The following CCDC39 variants were observed in gnomAD, a reference collection of about 807,000 sequenced individuals.
CCDC39 encodes the protein coiled-coil domain-containing protein 39.
A neutral mutation model predicts 121.0 loss-of-function variants in CCDC39; 113 were observed. The ratio of observed to expected loss-of-function variants is 0.93; its 90% CI spans 0.80 to 1.09. The LOEUF (loss-of-function observed/expected upper bound fraction) is 1.09. Among genes scored for constraint, CCDC39 ranks in the 50% least tolerant of loss-of-function variants. The pLI, the probability that CCDC39 is intolerant of heterozygous loss-of-function variation, is 0.00. For missense variants in CCDC39, 1,063 were observed against 1,074.7 expected, an observed-to-expected ratio of 0.99 and a Z score of 0.15; for synonymous variants, 349 against 352.2, an observed-to-expected ratio of 0.99 and a Z score of 0.10.
intron 13 of CCDC39, among the ~76,000 whole-genome samples, chr3:180,640,040 T>C (rs1261302590): frequency 6.6e-6 from 1 of 151,914 alleles, no homozygotes; most frequent in African/African-American, 2.4e-5. Flanking sequence ...GAAAAGGAGA[T>C]CAGTTGTCCG....
chr3:180,651,993 C>T (rs531711496), intron 8 of CCDC39, among the ~76,000 whole-genome samples, 170 bp downstream of exon 8: 207 of 151,432 alleles, frequency 1.4e-3, no homozygotes, highest in Non-Finnish European at 2.4e-3. Flanking sequence ...GCTGAGATCA[C>T]GCCACTGCAC....
intron 6 of CCDC39, among the ~76,000 whole-genome samples, chr3:180,657,252 C>G (rs969151974): frequency 2.6e-5 from 4 of 152,120 alleles, no homozygotes; most frequent in African/African-American, 7.2e-5. Context: ...TGCTGCCTAA[C>G]GGAACCACCT....
At chr3:180,660,046 G>C (rs971149810) in intron 4 of CCDC39, among the ~76,000 whole-genome samples, 4 of 151,986 alleles carry the variant, frequency 2.6e-5, no homozygotes, top group African/African-American at 9.7e-5. Flanking sequence ...CTATTTGAAA[G>C]TTTTAAAATA....
At chr3:180,615,347 T>C (rs1244539942) in intron 19 of CCDC39, among the ~76,000 whole-genome samples, 1 of 152,058 alleles carries the variant, frequency 6.6e-6, no homozygotes, top group Non-Finnish European at 1.5e-5. Flanking sequence ...TATAATCAGT[T>C]TTTTAGAGTT....
At chr3:180,669,030 T>G (rs1329194458) in intron 1 of CCDC39, among the ~76,000 whole-genome samples, 3 of 152,248 alleles carry the variant, frequency 2.0e-5, no homozygotes, top group African/African-American at 7.2e-5. Flanking sequence ...GTAATGCACA[T>G]GAAATGCATG....
chr3:180,672,183 C>G lies in CCDC39; in HGVS notation c.90+7108G>C, dbSNP rs190659548. 6.6e-5 allele frequency among the ~76,000 whole-genome samples: 10 copies of G among 152,274 alleles called. No individual in the cohort carries two copies. The East Asian group carries it at 1.7e-3, about 26-fold the overall frequency. ...CCTTAAGAATTGTGCTAAATCTACT[C>G]TGCAAGTGCTCTATAGATAGGAAAA... On this transcript the variant is annotated intron_variant, in intron 1 of 19. Coordinates refer to ENST00000476379, the MANE Select transcript of CCDC39 (RefSeq NM_181426.2).
At chr3:180,658,491 G>A (rs1452744462) in intron 6 of CCDC39, among the ~76,000 whole-genome samples, 4 of 151,586 alleles carry the variant, frequency 2.6e-5, no homozygotes, top group Admixed American at 6.6e-5. Flanking sequence ...CCAGCTACTC[G>A]GAGGCTGAGG....
intron 14 of CCDC39, among the ~76,000 whole-genome samples, chr3:180,629,947 T>A (rs1468947262): frequency 1.3e-5 from 2 of 152,072 alleles, no homozygotes; most frequent in Admixed American, 1.3e-4. Context: ...TAATAATAAC[T>A]AACATTTATT....
chr3:180,655,599 C>T (rs1247739724), intron 6 of CCDC39, among the ~76,000 whole-genome samples: 2 of 150,566 alleles, frequency 1.3e-5, no homozygotes, highest in Non-Finnish European at 3.0e-5. Context: ...CAAGAGGCAA[C>T]ATTTGAGTCA....
intron 6 of CCDC39, among the ~76,000 whole-genome samples, chr3:180,659,246 T>C (rs528144624): frequency 8.5e-5 from 13 of 152,342 alleles, no homozygotes; most frequent in African/African-American, 2.4e-4. Flanking sequence ...GATCCAGTGT[T>C]TGGAGTTATA....
At chr3:180,647,323 T>C in intron 10 of CCDC39, 80 bp from the exon 11 acceptor site, 1 of 1,255,624 alleles carries the variant, frequency 8.0e-7, no homozygotes, top group Non-Finnish European at 1.1e-6. Flanking sequence ...GTGAATACTT[T>C]CTTATGACTT....
chr3:180,655,331 T>C (rs1420494358), intron 6 of CCDC39, among the ~76,000 whole-genome samples: 3 of 152,030 alleles, frequency 2.0e-5, no homozygotes, highest in Non-Finnish European at 2.9e-5. Context: ...TTTTTTTTAG[T>C]GTTTTGAAAA....
chr3:180,616,047 T>C (rs1055855778), intron 19 of CCDC39, among the ~76,000 whole-genome samples: 1 of 152,200 alleles, frequency 6.6e-6, no homozygotes. Context: ...ACAGAGCACT[T>C]GGGCTATACT....
At chr3:180,666,381 G>T (rs985177052) in intron 1 of CCDC39, among the ~76,000 whole-genome samples, 2 of 152,082 alleles carry the variant, frequency 1.3e-5, no homozygotes, top group African/African-American at 4.8e-5. Flanking sequence ...TCAAGAGACA[G>T]GTGTCTCTAT....
intron 15 of CCDC39, 127 bp from the exon 16 acceptor site, chr3:180,619,492 A>G (rs1717363582): frequency 1.6e-6 from 1 of 640,164 alleles, no homozygotes; most frequent in Non-Finnish European, 2.7e-6. Flanking sequence ...CACTTGTAGA[A>G]AAACACTATG....
intron 14 of CCDC39, among the ~76,000 whole-genome samples, chr3:180,626,791 G>A (rs899271203): frequency 3.3e-5 from 5 of 152,146 alleles, no homozygotes; most frequent in Admixed American, 2.6e-4. Context: ...CAGTAGCAAG[G>A]TCGTGGGAAT....
intron 1 of CCDC39, among the ~76,000 whole-genome samples, chr3:180,674,514 T>C (rs1712137018): frequency 6.6e-6 from 1 of 152,212 alleles, no homozygotes; most frequent in African/African-American, 2.4e-5. Flanking sequence ...TCCAACACTA[T>C]GTTGAATAGG....
chr3:180,633,888 TG>T (rs1050663860), intron 13 of CCDC39, among the ~76,000 whole-genome samples: 1 of 152,106 alleles, frequency 6.6e-6, no homozygotes, highest in African/African-American at 2.4e-5. Flanking sequence ...GCTCCACCCA[TG>T]GCTGAGCATA....
chr3:180,642,262 T>A (rs1419887537), intron 12 of CCDC39, 61 bp from the exon 13 acceptor site: 1 of 1,059,422 alleles, frequency 9.4e-7, no homozygotes, highest in Admixed American at 3.0e-5. Context: ...ACCAAAATTT[T>A]TTTTATTGCT....
Sources: gnomAD v4.1 joint callset for allele counts (sites outside exome capture counted in the v4.1 genomes callset) on GRCh38, gnomAD v4.1.1 for gene constraint, MANE v1.5 for transcripts, NCBI Gene and HGNC (gene_info 2026-07-23, HGNC 2026-07-21) for gene names.